Variants in NPC1L1 observed in about 807,000 individuals in gnomAD.
NPC1L1 encodes NPC1 like intracellular cholesterol transporter 1, also known as NPC1-like intracellular cholesterol transporter 1.
Under a neutral mutation model 117.0 loss-of-function variants are expected in NPC1L1, and 98 were observed. The observed-to-expected ratio is 0.84, with a 90% CI of 0.71 to 0.99. NPC1L1 has a LOEUF of 0.99. Ranked by LOEUF, NPC1L1 falls within the 50% of genes least tolerant of loss-of-function variation. NPC1L1 has a pLI of 0.00. For missense variants in NPC1L1, 1,540 were observed against 1,710.0 expected, an observed-to-expected ratio of 0.90 and a Z score of 1.75; for synonymous variants, 729 against 727.6, an observed-to-expected ratio of 1.00 and a Z score of -0.03.
intron 12 of NPC1L1, 115 bp from the exon 13 acceptor site, chr7:44,521,233 G>T: frequency 7.2e-7 from 1 of 1,386,230 alleles, no homozygotes; most frequent in Non-Finnish European, 1.0e-6. Context: ...GCCTCAACCA[G>T]TCGCTTCTAG....
rs1387570224 is a variant in NPC1L1, at chr7:44,537,027, A to T, written c.1581-85T>A. On this transcript the variant is annotated intron_variant, in intron 2 of 18. Coordinates refer to ENST00000381160, the MANE Select transcript of NPC1L1 (RefSeq NM_001101648.2). ...CCCCTCCCTTCCCCTCCCACCCCAG[A>T]CCCACAGCACTATGGAGGGTGAGCT... is the stretch of plus-strand genomic sequence containing the variant. 1.3e-5 allele frequency: 14 copies of T among 1,078,962 alleles called. No homozygotes were observed. In the East Asian group the frequency reaches 3.1e-4, roughly 24 times the overall value. 66.8% of individuals were successfully genotyped at this position (1,078,962 alleles called of 1,614,324 possible).
chr7:44,538,785 C>T lies in NPC1L1; in HGVS notation c.1580+32G>A. The T allele has an allele frequency of 6.2e-7, 1 of 1,610,290 alleles. No individual in the cohort carries two copies. The highest frequency in any genetic ancestry group is 8.5e-7 in the Non-Finnish European group (1 of 1,177,042). ...TGGCAGCCCAGCCCCAGCCCCAGCC[C>T]ACTCCTCGCTTGGGCCCCACCATGG... On this transcript the variant is annotated intron_variant, in intron 2 of 18. Coordinates refer to ENST00000381160, the MANE Select transcript of NPC1L1 (RefSeq NM_001101648.2). The surrounding 1 kb of genome is among the most constrained non-coding windows in gnomAD (Gnocchi z 5.9).
chr7:44,516,338 T>C, intron 16 of NPC1L1, 141 bp from the exon 17 acceptor site: 1 of 786,356 alleles, frequency 1.3e-6, no homozygotes, highest in Non-Finnish European at 2.2e-6. Flanking sequence ...GTGCAGTGGC[T>C]CATGCCTATA....
In NPC1L1 at chr7:44,513,177, T is replaced by C; in HGVS notation, c.*270A>G. The C allele has an allele frequency of 9.7e-6, 5 of 516,280 alleles. No homozygotes were observed. Among genetic ancestry groups the C allele is most frequent in the Non-Finnish European group, 1.1e-5 (3 of 283,052 alleles). 32.0% of individuals were successfully genotyped at this position (516,280 alleles called of 1,614,324 possible). ...TGGGACAAACATGGAGTGTGTCTGTTCCTGCCAACTTCCAGACCCAGGCCC... is the reference window on the plus strand; with the variant it reads ...TGGGACAAACATGGAGTGTGTCTGTCCCTGCCAACTTCCAGACCCAGGCCC... On this transcript the variant is annotated 3_prime_UTR_variant, in exon 19 of 19. Coordinates refer to ENST00000381160, the MANE Select transcript of NPC1L1 (RefSeq NM_001101648.2).
At chr7:44,537,035 C>T in intron 2 of NPC1L1, 93 bp from the exon 3 acceptor site, 1 of 996,698 alleles carries the variant, frequency 1.0e-6, no homozygotes, top group Non-Finnish European at 1.5e-6. Context: ...AGACCCACAG[C>T]ACTATGGAGG....
intron 14 of NPC1L1, among the ~76,000 whole-genome samples, chr7:44,520,252 C>T (rs913051041): frequency 6.6e-6 from 1 of 152,016 alleles, no homozygotes; most frequent in Admixed American, 6.6e-5. Context: ...TGCACTCCAG[C>T]CTGGGCAACA....
chr7:44,517,214 G>C lies in NPC1L1; in HGVS notation c.3280C>G (p.Pro1094Ala). ...AGCCACTCAGGTCCTCACGTGTAGG[G>C]GAAGACCTCAAAAGCCGGGTCTGTT... Reference protein sequence around the residue: ...PGTDPAFEVFPYTITNVFYEQ... With the variant: ...PGTDPAFEVFAYTITNVFYEQ... The change falls in exon 15 of 19, where the codon CCC becomes GCC. Residue 1094 changes from proline (P) to alanine (A), a missense_variant. Transcript: ENST00000381160. 1.9e-6 allele frequency: 3 copies of C among 1,614,128 alleles called. No individual in the cohort carries two copies. Among genetic ancestry groups the C allele is most frequent in the Non-Finnish European group, 2.5e-6 (3 of 1,180,008 alleles).
In NPC1L1 at chr7:44,534,540, A is replaced by C. The variant is rs201867049; in HGVS notation, c.2073T>G (p.Gly691=). 21 of 1,614,194 alleles carry C rather than the reference A, an allele frequency of 1.3e-5. No individual in the cohort carries two copies. Among genetic ancestry groups the C allele is most frequent in the Non-Finnish European group, 1.8e-5 (21 of 1,180,028 alleles). ...GCAGGATGACCAGGGAGGAGCGGAT[A>C]CCCAAGTAGGAGAAGAAGCCCATGG... ...MAAMGFFSYL[G]IRSSLVILQV... is the part of the protein sequence containing the mutation. The change falls in exon 6 of 19, where the codon GGT becomes GGG. Residue 691 remains glycine, a synonymous_variant. Coordinates refer to ENST00000381160, the MANE Select transcript of NPC1L1 (RefSeq NM_001101648.2). The surrounding 1 kb of genome is among the most constrained non-coding windows in gnomAD (Gnocchi z 5.2).
At chr7:44,537,850 C>G (rs1434087706) in intron 2 of NPC1L1, among the ~76,000 whole-genome samples, 1 of 152,224 alleles carries the variant, frequency 6.6e-6, no homozygotes, top group Admixed American at 6.5e-5. Context: ...TGGCTCCTCT[C>G]GTTCCTGCTA....
At chr7:44,537,257 C>CT (rs1221900723) in intron 2 of NPC1L1, among the ~76,000 whole-genome samples, 1 of 152,238 alleles carries the variant, frequency 6.6e-6, no homozygotes, top group Admixed American at 6.5e-5. Flanking sequence ...CCCTCTGAGC[C>CT]TCTCATGTCT....
In NPC1L1 at chr7:44,533,519, AG is replaced by A; in HGVS notation, c.2320del (p.Leu774Ter). The A allele has an allele frequency of 2.5e-6, 4 of 1,614,228 alleles. No homozygotes were observed. Among genetic ancestry groups the A allele is most frequent in the Non-Finnish European group, 3.4e-6 (4 of 1,180,024 alleles). ...AAGGATCACTGCAAGGCCAGAGGTC[AG>A]GGCAAAGGTCCGCACAGCTGGCATG... ...TPMPAVRTFA[L>X]TSGLAVILDF... On this transcript the variant is annotated frameshift_variant, in exon 8 of 19. Coordinates refer to ENST00000381160, the MANE Select transcript of NPC1L1 (RefSeq NM_001101648.2). LOFTEE classifies it high-confidence loss of function.
At position 44,538,202 on chromosome 7, in the gene NPC1L1, C is replaced by T. The variant is rs76956045; in HGVS notation, c.1580+615G>A. ...CTCCACTGCCAAGGCCCTGCTGCTG[C>T]CCTTGGCTCTTGGCCCCCTTGGCCC... On this transcript the variant is annotated intron_variant, in intron 2 of 18. Transcript: ENST00000381160. This position sits in a 1 kb window ranked among gnomAD's most constrained non-coding sequence, Gnocchi z 5.9. Among the ~76,000 whole-genome samples the T allele has an allele frequency of 4.6e-3, 700 of 152,372 alleles. 3 individuals are homozygous for T. The highest frequency in any genetic ancestry group is 5.0e-3 in the Non-Finnish European group (341 of 68,036).
Position 44,536,049 on chromosome 7 carries a change from A to G in NPC1L1, c.1855-81T>C. 6.2e-7 allele frequency: 1 copy of G among 1,606,318 alleles called. No homozygotes were observed. Among genetic ancestry groups the G allele is most frequent in the Non-Finnish European group, 8.5e-7 (1 of 1,175,708 alleles). ...GCTCTCAATAGCTCGGTCACTGGGC[A>G]CTAATTGTGTGTTGTGTCATAGGGC... On this transcript the variant is annotated intron_variant, in intron 4 of 18. Transcript: ENST00000381160. This position sits in a 1 kb window ranked among gnomAD's most constrained non-coding sequence, Gnocchi z 4.7.
chr7:44,524,938 G>A (rs1209726702), intron 10 of NPC1L1, among the ~76,000 whole-genome samples: 1 of 151,910 alleles, frequency 6.6e-6, no homozygotes, highest in African/African-American at 2.4e-5. Context: ...ATTCACTAGA[G>A]GGATTCAAAA....
intron 8 of NPC1L1, 42 bp from the exon 9 acceptor site, chr7:44,532,259 C>T (rs761418804): frequency 4.3e-6 from 7 of 1,611,640 alleles, no homozygotes; most frequent in Non-Finnish European, 5.1e-6. Context: ...CCAGAGCAGA[C>T]AAGGCCCCAG....
intron 10 of NPC1L1, among the ~76,000 whole-genome samples, chr7:44,527,461 C>CAAAAAAAAAAAAAA (rs1160435212): frequency 2.5e-5 from 1 of 40,102 alleles, no homozygotes. Flanking sequence ...AACAACTTCT[C>CAAAAAAAAAAAAAA]AAAAAAAAAA....
rs1801964953 is a variant in NPC1L1, at chr7:44,538,372, G to C, written c.1580+445C>G. Among the ~76,000 whole-genome samples, 4 of 152,236 alleles carry C rather than the reference G, an allele frequency of 2.6e-5. No individual in the cohort carries two copies. Among genetic ancestry groups the C allele is most frequent in the Admixed American group, 2.6e-4 (4 of 15,292 alleles). ...TGAGACCAGCCACGACCTCTGGCCTGAGGGCACCTTTTCCAATGCATACCA... is the reference window on the plus strand; with the variant it reads ...TGAGACCAGCCACGACCTCTGGCCTCAGGGCACCTTTTCCAATGCATACCA... On this transcript the variant is annotated intron_variant, in intron 2 of 18. Coordinates refer to ENST00000381160, the MANE Select transcript of NPC1L1 (RefSeq NM_001101648.2). The surrounding 1 kb of genome is among the most constrained non-coding windows in gnomAD (Gnocchi z 5.9).
Position 44,536,006 on chromosome 7 carries a change from C to T in NPC1L1, c.1855-38G>A. 1 of 1,612,190 alleles carries T rather than the reference C, an allele frequency of 6.2e-7. No individual in the cohort carries two copies. ...ACCCGACCAGCCCCCACTGACCGTG[C>T]CTGCTTCAGCCAGGCCAGCTCTCAA... On this transcript the variant is annotated intron_variant, in intron 4 of 18. Transcript: ENST00000381160. This position sits in a 1 kb window ranked among gnomAD's most constrained non-coding sequence, Gnocchi z 4.7.
At position 44,521,135 on chromosome 7, in the gene NPC1L1, G is replaced by A. The variant is rs1168989147; in HGVS notation, c.2954-17C>T. On this transcript the variant is annotated splice_polypyrimidine_tract_variant and intron_variant, in intron 12 of 18. Coordinates refer to ENST00000381160, the MANE Select transcript of NPC1L1 (RefSeq NM_001101648.2). ...TCAGAGAGTCTGCAGAGAAAGCAGG[G>A]GTCTGGGCAGTGACACCCCAGGGCC... is the stretch of plus-strand genomic sequence containing the variant. The A allele has an allele frequency of 4.3e-6, 7 of 1,613,876 alleles. No individual in the cohort carries two copies. In the African/African-American group the frequency reaches 9.3e-5, roughly 22 times the overall value.
Sources: allele counts gnomAD v4.1 joint callset (sites outside exome capture counted in the v4.1 genomes callset), GRCh38; gene constraint gnomAD v4.1.1; non-coding constraint Gnocchi (gnomAD v3.1); transcripts MANE v1.5; gene names NCBI Gene and HGNC (gene_info 2026-07-23, HGNC 2026-07-21).